The following LPP variants were observed in gnomAD, a reference collection of about 807,000 sequenced individuals.
LPP encodes LIM domain containing preferred translocation partner in lipoma.
LPP carries 38 observed loss-of-function variants against 60.4 expected under a neutral mutation model. That is an observed-to-expected ratio of 0.63 (90% confidence interval 0.49 to 0.83). The LOEUF (loss-of-function observed/expected upper bound fraction) is 0.83. LPP is among the 40% of genes least tolerant of loss of function. LPP has a pLI of 0.00. For synonymous variants in LPP, 328 were observed against 290.8 expected, an observed-to-expected ratio of 1.13 and a Z score of -1.30; for missense variants, 902 against 783.6, an observed-to-expected ratio of 1.15 and a Z score of -1.80.
At position 188,542,319 on chromosome 3, in the gene LPP, T is replaced by A. The variant is rs1825421534; in HGVS notation, c.429+17532T>A. On this transcript the variant is annotated intron_variant, in intron 6 of 11. Coordinates refer to ENST00000617246, the MANE Select transcript of LPP (RefSeq NM_001375462.1). The stretch of plus-strand genomic sequence containing the variant: ...GCGCTATACAAAGATTATTTTGCAT[T>A]CTCATCCCAGTTGTCACACACAATA... Among the ~76,000 whole-genome samples, 3 of 152,204 alleles carry A rather than the reference T, an allele frequency of 2.0e-5. No individual in the cohort carries two copies. In the South Asian group the frequency reaches 6.2e-4, roughly 31 times the overall value.
chr3:188,785,524 ATATATTC>A lies in LPP; in HGVS notation c.1410+25243_1410+25249del, dbSNP rs1157292242. 2.3e-3 allele frequency among the ~76,000 whole-genome samples: 97 copies of A among 42,018 alleles called. 27 individuals are homozygous for A. The highest frequency in any genetic ancestry group is 9.9e-3 in the African/African-American group (86 of 8,666). The allele number at this position is 42,018 out of a possible 152,430, so 27.6% of individuals were successfully genotyped here. A position where few individuals can be genotyped will look rare whatever the true frequency, so the allele number is the denominator to read the frequency against. On this transcript the variant is annotated intron_variant, in intron 9 of 11. Transcript: ENST00000617246. ...TATATTCCATCATATATATATATATATATATTCCATCATATATATATATACACACACA... is the reference window on the plus strand; with the variant it reads ...TATATTCCATCATATATATATATATACATCATATATATATATACACACACA...
intron 5 of LPP, among the ~76,000 whole-genome samples, chr3:188,511,608 T>C (rs9879182): frequency 0.25 from 38,415 of 151,798 alleles, 5,186 homozygotes; most frequent in East Asian, 0.44. Context: ...TGGAGCAAAA[T>C]GTTTGATTTC....
In LPP at chr3:188,835,229, G is replaced by A. The variant is rs545734247; in HGVS notation, c.1411-30971G>A. On this transcript the variant is annotated intron_variant, in intron 9 of 11. Coordinates refer to ENST00000617246, the MANE Select transcript of LPP (RefSeq NM_001375462.1). ...ATCCTAGCATTTTGGAGGCCGAGGG[G>A]GGCAGATCACTTGAGGTCAGGAGTT... Among the ~76,000 whole-genome samples, 4 of 151,626 alleles carry A rather than the reference G, an allele frequency of 2.6e-5. No homozygotes were observed. In the South Asian group the frequency reaches 8.4e-4, roughly 32 times the overall value.
intron 6 of LPP, among the ~76,000 whole-genome samples, chr3:188,542,318 T>C (rs917748837): frequency 6.6e-6 from 1 of 152,200 alleles, no homozygotes; most frequent in African/African-American, 2.4e-5. Context: ...TTATTTTGCA[T>C]TCTCATCCCA....
intron 4 of LPP, among the ~76,000 whole-genome samples, chr3:188,456,809 G>A (rs866789437): frequency 1.3e-5 from 2 of 152,180 alleles, no homozygotes; most frequent in Admixed American, 6.5e-5. Flanking sequence ...ATAAATGCGT[G>A]GAGTGACAGG....
Position 188,699,841 on chromosome 3 carries a change from A to G in LPP, c.1114-8426A>G, listed in dbSNP as rs1864026875. 3.3e-5 allele frequency among the ~76,000 whole-genome samples: 5 copies of G among 152,174 alleles called. No homozygotes were observed. The South Asian group carries it at 1.0e-3, about 32-fold the overall frequency. On this transcript the variant is annotated intron_variant, in intron 7 of 11. Transcript: ENST00000617246. The stretch of plus-strand genomic sequence containing the variant: ...CCAGAAGGGGTTCTCCTTCCATTTA[A>G]GCAGTGAGATGTTGAGAGTAGAGTA...
intron 9 of LPP, among the ~76,000 whole-genome samples, chr3:188,775,286 C>T (rs529620241): frequency 5.4e-4 from 82 of 152,160 alleles, no homozygotes; most frequent in African/African-American, 1.9e-3. Context: ...CTCCTGACCT[C>T]GTGATCCACC....
At position 188,610,680 on chromosome 3, in the gene LPP, G is replaced by A. The variant is rs1843516370; in HGVS notation, c.1113+836G>A. Among the ~76,000 whole-genome samples the A allele has an allele frequency of 1.3e-5, 2 of 152,156 alleles. No individual in the cohort carries two copies. The highest frequency in any genetic ancestry group is 4.8e-5 in the African/African-American group (2 of 41,430). ...TCTGTTACTTCGTCTGAATAGGTAA[G>A]GTGTAATACTACACATGCCCACTCA... On this transcript the variant is annotated intron_variant, in intron 7 of 11. Coordinates refer to ENST00000617246, the MANE Select transcript of LPP (RefSeq NM_001375462.1). This position sits in a 1 kb window ranked among gnomAD's most constrained non-coding sequence, Gnocchi z 4.4.
In LPP at chr3:188,472,716, G is replaced by A. The variant is rs533347605; in HGVS notation, c.194-11876G>A. 2.0e-5 allele frequency: 3 copies of A among 152,260 alleles called. No individual in the cohort carries two copies. In the East Asian group the frequency reaches 5.8e-4, roughly 29 times the overall value. 9.4% of individuals were successfully genotyped at this position (152,260 alleles called of 1,614,324 possible). On this transcript the variant is annotated intron_variant, in intron 4 of 11. Coordinates refer to ENST00000617246, the MANE Select transcript of LPP (RefSeq NM_001375462.1). ...ACATTGGGGAAAAGGAAGTTTTATG[G>A]GGTTTAATTGCTGCTGATCATCGAG...
At chr3:188,748,899 T>C (rs1318970389) in intron 8 of LPP, among the ~76,000 whole-genome samples, 2 of 152,138 alleles carry the variant, frequency 1.3e-5, no homozygotes, top group Admixed American at 6.6e-5. Context: ...CCAGCTATGG[T>C]CAAACAGGGA....
At chr3:188,719,514 G>C (rs1196770934) in intron 8 of LPP, among the ~76,000 whole-genome samples, 2 of 152,208 alleles carry the variant, frequency 1.3e-5, no homozygotes. Flanking sequence ...AAGTAGAAGA[G>C]AGATTTCTAC....
intron 2 of LPP, among the ~76,000 whole-genome samples, chr3:188,252,536 G>A (rs1730241523): frequency 6.6e-6 from 1 of 151,830 alleles, no homozygotes; most frequent in Non-Finnish European, 1.5e-5. Flanking sequence ...AGGTACTTTA[G>A]TTACCAAATT....
intron 2 of LPP, among the ~76,000 whole-genome samples, chr3:188,289,387 T>A (rs1745181076): frequency 6.6e-6 from 1 of 152,222 alleles, no homozygotes; most frequent in Admixed American, 6.5e-5. Flanking sequence ...TTTGCTTATG[T>A]TACATCATTG....
intron 9 of LPP, among the ~76,000 whole-genome samples, chr3:188,770,927 TG>T (rs1735745033): frequency 6.6e-6 from 1 of 152,194 alleles, no homozygotes; most frequent in African/African-American, 2.4e-5. Context: ...CATCTGACTT[TG>T]TAAAACAGTT....
intron 2 of LPP, among the ~76,000 whole-genome samples, chr3:188,238,998 C>T (rs1367927670): frequency 6.6e-6 from 1 of 152,192 alleles, no homozygotes; most frequent in African/African-American, 2.4e-5. Flanking sequence ...AAATAAATTG[C>T]TTTTGTGATT....
At chr3:188,619,526 C>A (rs887371421) in intron 7 of LPP, among the ~76,000 whole-genome samples, 7 of 152,166 alleles carry the variant, frequency 4.6e-5, no homozygotes, top group Non-Finnish European at 1.0e-4. Context: ...ATGTCACTTG[C>A]CACCTGATTT....
chr3:188,608,773 T>G (rs1464715515), intron 6 of LPP, among the ~76,000 whole-genome samples: 2 of 152,228 alleles, frequency 1.3e-5, no homozygotes, highest in Non-Finnish European at 1.5e-5. Flanking sequence ...ATATACATTC[T>G]AACAATATCA....
chr3:188,466,904 T>C (rs1238597903), intron 4 of LPP, among the ~76,000 whole-genome samples: 4 of 146,678 alleles, frequency 2.7e-5, no homozygotes, highest in African/African-American at 1.0e-4. Flanking sequence ...TGATGGATTT[T>C]GTCACCACCT....
At chr3:188,156,567 C>T (rs1267534447) in intron 1 of LPP, among the ~76,000 whole-genome samples, 4 of 152,228 alleles carry the variant, frequency 2.6e-5, no homozygotes, top group Admixed American at 2.6e-4. Context: ...GGCACGATGG[C>T]TCAAGCCTGT....
Sources: gnomAD v4.1 joint callset for allele counts (sites outside exome capture counted in the v4.1 genomes callset) on GRCh38, gnomAD v4.1.1 for gene constraint, Gnocchi (gnomAD v3.1) non-coding constraint, MANE v1.5 for transcripts, NCBI Gene and HGNC (gene_info 2026-07-23, HGNC 2026-07-21) for gene names.